EMB: variants seen among roughly 807,000 people sequenced by gnomAD.
EMB encodes the protein embigin.
A neutral mutation model predicts 41.4 loss-of-function variants in EMB; 31 were observed. The observed-to-expected ratio is 0.75, with a 90% confidence interval of 0.56 to 1.01. The LOEUF is 1.01. Ranked by LOEUF, EMB falls within the 50% of genes least tolerant of loss-of-function variation. The probability of loss-of-function intolerance (pLI) is 0.00; values close to 1 mark genes in which losing one functional copy is unlikely to be tolerated. For missense variants in EMB, 379 were observed against 388.3 expected (o/e 0.98, Z 0.20); for synonymous variants, 137 against 140.4 (o/e 0.98, Z 0.17).
chr5:50,441,366 G>A (rs1745910827), upstream of EMB: 3 of 360,412 alleles, frequency 8.3e-6, no homozygotes, highest in Admixed American at 4.7e-5. Context: ...CATCAGTTAT[G>A]CAGCCCTCAG....
intron 2 of EMB, among the ~76,000 whole-genome samples, chr5:50,420,067 A>G (rs1001284998): frequency 8.5e-5 from 13 of 152,174 alleles, no homozygotes; most frequent in Admixed American, 7.2e-4. Flanking sequence ...GAAAAGAGCT[A>G]ATGCATGCTG....
chr5:50,433,575 T>C (rs1745759027), intron 1 of EMB, among the ~76,000 whole-genome samples: 1 of 152,238 alleles, frequency 6.6e-6, no homozygotes, highest in Admixed American at 6.5e-5. Flanking sequence ...AGTTGGGATT[T>C]TGTTCAGTGG....
At chr5:50,421,330 C>A (rs1271761062) in intron 2 of EMB, among the ~76,000 whole-genome samples, 1 of 152,142 alleles carries the variant, frequency 6.6e-6, no homozygotes, top group Non-Finnish European at 1.5e-5. Context: ...AAATGCAAAT[C>A]AAAACCACAA....
chr5:50,413,742 A>AT (rs1745382984), intron 2 of EMB, among the ~76,000 whole-genome samples: 2 of 151,700 alleles, frequency 1.3e-5, no homozygotes, highest in South Asian at 2.1e-4. Context: ...TGCCTGGCTA[A>AT]TTTTTTTGTA....
chr5:50,417,438 T>C (rs539160586), intron 2 of EMB, among the ~76,000 whole-genome samples: 42 of 152,344 alleles, frequency 2.8e-4, no homozygotes, highest in African/African-American at 9.9e-4. Context: ...ATAAGTCTCA[T>C]ATGGATTGAA....
chr5:50,441,982 T>G (rs1171935664), upstream of EMB, among the ~76,000 whole-genome samples: 2 of 152,194 alleles, frequency 1.3e-5, no homozygotes, highest in East Asian at 3.8e-4. Context: ...AGGCTGTAGC[T>G]TGGAATATTC....
chr5:50,413,394 G>A (rs567257598), intron 2 of EMB, among the ~76,000 whole-genome samples: 1 of 152,056 alleles, frequency 6.6e-6, no homozygotes, highest in Non-Finnish European at 1.5e-5. Context: ...CTAGGATATA[G>A]TCTTGTTAAA....
chr5:50,431,682 C>T (rs916864058), intron 1 of EMB, among the ~76,000 whole-genome samples: 4 of 152,166 alleles, frequency 2.6e-5, no homozygotes, highest in Admixed American at 1.3e-4. Flanking sequence ...TCATAACATG[C>T]ATTTCTCAAG....
At chr5:50,409,328 T>A in intron 4 of EMB, among the ~76,000 whole-genome samples, 1 of 152,078 alleles carries the variant, frequency 6.6e-6, no homozygotes, top group East Asian at 1.9e-4. Context: ...AAATGTGTTA[T>A]CTTCAATATT....
In EMB at chr5:50,409,214, T is replaced by C. The variant is rs773994625; in HGVS notation, c.472+1663A>G. The stretch of plus-strand genomic sequence containing the variant: ...TTCCGTGTGAATACTTGCAATTCAA[T>C]GTATTGGTATGTTGAAAAGTAAAAT... On this transcript the variant is annotated intron_variant, in intron 4 of 8. Transcript: ENST00000303221. Among the ~76,000 whole-genome samples the C allele has an allele frequency of 1.1e-3, 164 of 152,222 alleles. 1 individual carries two copies. The highest frequency in any genetic ancestry group is 3.5e-4 in the Non-Finnish European group (24 of 67,998).
chr5:50,426,705 T>A (rs1745615810), intron 2 of EMB, among the ~76,000 whole-genome samples: 1 of 152,148 alleles, frequency 6.6e-6, no homozygotes, highest in Non-Finnish European at 1.5e-5. Context: ...CAACAATGAA[T>A]AATGATAAAA....
intron 1 of EMB, among the ~76,000 whole-genome samples, chr5:50,437,727 T>C (rs1408598366): frequency 6.6e-6 from 1 of 151,958 alleles, no homozygotes; most frequent in Non-Finnish European, 1.5e-5. Context: ...TATTTATTAC[T>C]AGAAAGCTGC....
In EMB at chr5:50,399,602, G is replaced by A. The variant is rs188285494; in HGVS notation, c.966+257C>T. Among the ~76,000 whole-genome samples the A allele has an allele frequency of 1.4e-3, 210 of 152,026 alleles. 4 individuals are homozygous for A. The highest frequency in any genetic ancestry group is 4.4e-3 in the African/African-American group (183 of 41,508). On this transcript the variant is annotated intron_variant, in intron 8 of 8. Transcript: ENST00000303221. ...AAAATTGTAAAAGAAACTAGTCCGT[G>A]GTGATAAAATAAAATATGTAGCCAG...
At chr5:50,433,905 T>A (rs567345073) in intron 1 of EMB, among the ~76,000 whole-genome samples, 15 of 152,334 alleles carry the variant, frequency 9.8e-5, no homozygotes, top group African/African-American at 3.4e-4. Flanking sequence ...AACCTTGGCA[T>A]TCCTTGGCTG....
At chr5:50,433,461 A>C (rs1208132127) in intron 1 of EMB, among the ~76,000 whole-genome samples, 1 of 152,236 alleles carries the variant, frequency 6.6e-6, no homozygotes, top group Non-Finnish European at 1.5e-5. Flanking sequence ...GCCAAATAAA[A>C]ACTTATTAAA....
intron 7 of EMB, among the ~76,000 whole-genome samples, chr5:50,400,472 G>A (rs1745143560): frequency 6.6e-6 from 1 of 151,886 alleles, no homozygotes; most frequent in South Asian, 2.1e-4. Context: ...CATATTATAA[G>A]ACAGTGTTAC....
intron 2 of EMB, 128 bp downstream of exon 2, chr5:50,428,016 G>A: frequency 1.6e-6 from 1 of 625,734 alleles, no homozygotes; most frequent in South Asian, 2.0e-5. Flanking sequence ...CTCACTACTG[G>A]TATGTTTTCC....
intron 2 of EMB, chr5:50,411,968 A>C (rs1423567025): frequency 6.6e-6 from 1 of 152,130 alleles, no homozygotes; most frequent in African/African-American, 2.4e-5. Flanking sequence ...CTGAATTTTG[A>C]CTGAATTTCA....
In EMB at chr5:50,407,497, C is replaced by T. The variant is rs537126900; in HGVS notation, c.473-1645G>A. ...GAGTGACAACATGGAAAAGCTGAAA[C>T]CAAAATTCTGTTTTCTTGCCATCTC... On this transcript the variant is annotated intron_variant, in intron 4 of 8. Transcript: ENST00000303221. 5.9e-5 allele frequency among the ~76,000 whole-genome samples: 9 copies of T among 152,008 alleles called. No homozygotes were observed. The East Asian group carries it at 1.5e-3, about 26-fold the overall frequency.
Sources: allele counts gnomAD v4.1 joint callset (sites outside exome capture counted in the v4.1 genomes callset), GRCh38; gene constraint gnomAD v4.1.1; transcripts MANE v1.5; gene names NCBI Gene and HGNC (gene_info 2026-07-23, HGNC 2026-07-21).